ZFP90: variants seen among roughly 807,000 people sequenced by gnomAD.
The protein encoded by ZFP90 is zinc finger protein 90 homolog.
ZFP90 carries 38 observed loss-of-function variants against 60.8 expected under a neutral mutation model. That is an observed-to-expected ratio of 0.62 (90% CI 0.48 to 0.82). The LOEUF is 0.82. Among genes scored for constraint, ZFP90 ranks in the 40% least tolerant of loss-of-function variants. ZFP90 has a pLI of 0.00. For missense variants in ZFP90, 711 were observed against 759.1 expected, an observed-to-expected ratio of 0.94 and a Z score of 0.74; for synonymous variants, 287 against 264.8, an observed-to-expected ratio of 1.08 and a Z score of -0.82.
intron 1 of ZFP90, 86 bp from the exon 2 acceptor site, chr16:68,539,672 T>C (rs2091000799): frequency 3.0e-6 from 3 of 991,374 alleles, no homozygotes; most frequent in Admixed American, 3.6e-5. Context: ...CCTGGAGATG[T>C]GGTTTAGGGG....
At chr16:68,572,387 C>T (rs956419912) in intron 2 of ZFP90, among the ~76,000 whole-genome samples, 3 of 152,174 alleles carry the variant, frequency 2.0e-5, no homozygotes, top group East Asian at 1.9e-4. Context: ...TTAGAGTTCT[C>T]ACAGGATCTT....
intron 4 of ZFP90, 131 bp from the exon 5 acceptor site, chr16:68,562,913 G>T (rs550200337): frequency 6.5e-7 from 1 of 1,539,044 alleles, no homozygotes; most frequent in Admixed American, 2.0e-5. Flanking sequence ...ATTTTGGGTC[G>T]TCTTCTCAGG....
At chr16:68,567,477 A>G (rs532893674), downstream of ZFP90, among the ~76,000 whole-genome samples, 41 of 152,280 alleles carry the variant, frequency 2.7e-4, no homozygotes, top group African/African-American at 9.4e-4. Flanking sequence ...TAGTTCAGCT[A>G]ATCAGAGTCC....
At chr16:68,559,031 T>C (rs766805312) in intron 4 of ZFP90, among the ~76,000 whole-genome samples, 2 of 152,194 alleles carry the variant, frequency 1.3e-5, no homozygotes, top group Non-Finnish European at 2.9e-5. Flanking sequence ...ATGTTCATGC[T>C]GCTTTGACTC....
intron 2 of ZFP90, among the ~76,000 whole-genome samples, 190 bp from the exon 3 acceptor site, chr16:68,557,808 A>G (rs2091369481): frequency 6.8e-6 from 1 of 147,420 alleles, no homozygotes; most frequent in South Asian, 2.3e-4. Flanking sequence ...GCCCCTCATA[A>G]CTTTCCTGCC....
intron 2 of ZFP90, among the ~76,000 whole-genome samples, chr16:68,541,747 A>C (rs2091054286): frequency 6.6e-6 from 1 of 152,180 alleles, no homozygotes; most frequent in Non-Finnish European, 1.5e-5. Context: ...TCCCCTTTAC[A>C]TGCAAAGTAT....
At chr16:68,572,575 C>T (rs1012324391) in intron 2 of ZFP90, among the ~76,000 whole-genome samples, 1 of 152,196 alleles carries the variant, frequency 6.6e-6, no homozygotes, top group Non-Finnish European at 1.5e-5. Context: ...GATATAAAAA[C>T]CATGTAAGGA....
chr16:68,533,602 C>G (rs184282125), intron 1 of ZFP90: 2 of 152,092 alleles, frequency 1.3e-5, no homozygotes, highest in Non-Finnish European at 2.9e-5. Context: ...TTCCAAAAAT[C>G]CCTCTATTTA....
At chr16:68,569,136 CTTTT>C (rs35827680), downstream of ZFP90, among the ~76,000 whole-genome samples, 2,152 of 123,022 alleles carry the variant, frequency 0.017, 33 homozygotes, top group African/African-American at 0.036. Flanking sequence ...ATTAGTCCCA[CTTTT>C]TTTTTTTTTT....
chr16:68,551,657 C>A (rs1000437001), intron 2 of ZFP90, among the ~76,000 whole-genome samples: 5 of 152,086 alleles, frequency 3.3e-5, no homozygotes, highest in Non-Finnish European at 1.5e-5. Flanking sequence ...GTGATCCACC[C>A]GCCTTGGCCT....
intron 2 of ZFP90, among the ~76,000 whole-genome samples, chr16:68,548,903 T>C (rs2091203893): frequency 6.6e-6 from 1 of 152,224 alleles, no homozygotes; most frequent in African/African-American, 2.4e-5. Flanking sequence ...TGGCTGTTAA[T>C]GCCATCGTTT....
downstream of ZFP90, chr16:68,576,098 T>G: frequency 3.5e-6 from 1 of 284,386 alleles, no homozygotes; most frequent in Non-Finnish European, 6.4e-6. Flanking sequence ...CATTTTAACA[T>G]GCTCTATTCC....
upstream of ZFP90, among the ~76,000 whole-genome samples, chr16:68,538,481 G>A (rs1042331544): frequency 6.6e-6 from 1 of 152,086 alleles, no homozygotes; most frequent in African/African-American, 2.4e-5. Context: ...CCAGCACTTT[G>A]GGAGGCCGAG....
In ZFP90 at chr16:68,566,865, A is replaced by T; in HGVS notation, c.*2167A>T. The T allele has an allele frequency of 1.0e-6, 1 of 985,634 alleles. No homozygotes were observed. Among genetic ancestry groups the T allele is most frequent in the Non-Finnish European group, 1.2e-6 (1 of 829,962 alleles). The allele number at this position is 985,634 out of a possible 1,614,324, so 61.1% of individuals were successfully genotyped here. A position where few individuals can be genotyped will look rare whatever the true frequency, so the allele number is the denominator to read the frequency against. On this transcript the variant is annotated 3_prime_UTR_variant, in exon 5 of 5. Transcript: ENST00000563169. Reference sequence around the variant, plus strand: ...GCTGCCCCCACTGTTACGGAAGTTTATAAAACCTTAGTTCCAGAAGACCCA... The same window carrying T: ...GCTGCCCCCACTGTTACGGAAGTTTTTAAAACCTTAGTTCCAGAAGACCCA...
At chr16:68,557,239 A>C (rs1302177608) in intron 2 of ZFP90, 1 of 455,772 alleles carries the variant, frequency 2.2e-6, no homozygotes, top group Admixed American at 2.4e-5. Context: ...AAAGGAAGTG[A>C]ACCGGCTCAA....
chr16:68,556,238 C>G (rs1480799214), intron 2 of ZFP90, among the ~76,000 whole-genome samples: 2 of 152,088 alleles, frequency 1.3e-5, no homozygotes, highest in African/African-American at 2.4e-5. Flanking sequence ...CATGGTTTAA[C>G]AAAGCCAAGT....
At chr16:68,574,073 C>T (rs924964535) in intron 2 of ZFP90, 1 of 152,044 alleles carries the variant, frequency 6.6e-6, no homozygotes, top group Non-Finnish European at 1.5e-5. Flanking sequence ...CCTGGGACAT[C>T]CTGGACCAGG....
downstream of ZFP90, among the ~76,000 whole-genome samples, chr16:68,567,745 G>T (rs1460880876): frequency 6.6e-6 from 1 of 152,102 alleles, no homozygotes; most frequent in African/African-American, 2.4e-5. Flanking sequence ...TTTTGCTCAA[G>T]CTAATTTTTT....
chr16:68,540,253 G>A (rs201483488), intron 2 of ZFP90, among the ~76,000 whole-genome samples: 1 of 152,290 alleles, frequency 6.6e-6, no homozygotes, highest in Non-Finnish European at 1.5e-5. Context: ...GTAAGGGGCC[G>A]TAGAAGCCTG....
Sources: allele counts gnomAD v4.1 joint callset (sites outside exome capture counted in the v4.1 genomes callset), GRCh38; gene constraint gnomAD v4.1.1; transcripts MANE v1.5; gene names NCBI Gene and HGNC (gene_info 2026-07-23, HGNC 2026-07-21).